Variants in ZFHX3 observed in about 807,000 individuals in gnomAD.
The protein encoded by ZFHX3 is zinc finger homeobox 3.
Under a neutral mutation model 279.1 loss-of-function variants are expected in ZFHX3, and 42 were observed. The ratio of observed to expected loss-of-function variants is 0.15; its 90% CI spans 0.12 to 0.19. ZFHX3 has a LOEUF of 0.19. ZFHX3 is among the 10% of genes least tolerant of loss of function. The pLI is 1.00. For missense variants in ZFHX3, 4,981 were observed against 4,754.0 expected (o/e 1.05, Z -1.40); for synonymous variants, 2,293 against 1,957.8 (o/e 1.17, Z -4.52).
chr16:73,426,534 C>T lies in ZFHX3; in HGVS notation c.-1291+29469G>A, dbSNP rs550262201. Among the ~76,000 whole-genome samples, 6 of 152,068 alleles carry T rather than the reference C, an allele frequency of 3.9e-5. No individual in the cohort carries two copies. The South Asian group carries it at 1.2e-3, about 32-fold the overall frequency. The stretch of plus-strand genomic sequence containing the variant: ...CAGAGTTTGAATGCAGTTCTGTAGC[C>T]AGAGTACCCAAGAATGTCTTCAAAT... On this transcript the variant is annotated intron_variant, in intron 3 of 17. Transcript: ENST00000641206.
At chr16:73,032,284 T>C (rs1410083967) in intron 1 of ZFHX3, among the ~76,000 whole-genome samples, 1 of 151,998 alleles carries the variant, frequency 6.6e-6, no homozygotes, top group Non-Finnish European at 1.5e-5. Flanking sequence ...CCTGGGCGAC[T>C]GAACAAGACC....
chr16:73,206,835 T>C lies in ZFHX3; in HGVS notation c.-1104+50212A>G, dbSNP rs1433104382. ...GATTTCAAGACCAGCCTGGCCAACA[T>C]GGTGAAACCCCATTTCTAATAAAAA... On this transcript the variant is annotated intron_variant, in intron 5 of 17. Transcript: ENST00000641206. Among the ~76,000 whole-genome samples, 5 of 152,050 alleles carry C rather than the reference T, an allele frequency of 3.3e-5. No individual in the cohort carries two copies. In the East Asian group the frequency reaches 9.7e-4, roughly 30 times the overall value.
intron 4 of ZFHX3, among the ~76,000 whole-genome samples, chr16:73,311,945 G>A (rs1348534416): frequency 6.6e-6 from 1 of 152,154 alleles, no homozygotes; most frequent in African/African-American, 2.4e-5. Context: ...TGATGAGGTT[G>A]CTGAAAGAGT....
At chr16:73,239,800 G>A (rs533685205) in intron 5 of ZFHX3, among the ~76,000 whole-genome samples, 2 of 152,152 alleles carry the variant, frequency 1.3e-5, no homozygotes, top group South Asian at 2.1e-4. Flanking sequence ...AAGATACTAT[G>A]AGCAATTTCT....
At position 73,182,029 on chromosome 16, in the gene ZFHX3, A is replaced by C. The variant is rs568082377; in HGVS notation, c.-1103-38198T>G. On this transcript the variant is annotated intron_variant, in intron 5 of 17. Transcript: ENST00000641206. ...TCTAATTGTTCCTCCAGAGGAGGGC[A>C]GCTTGTTTCATATGATACAAGGGTA... Among the ~76,000 whole-genome samples, 79 of 152,320 alleles carry C rather than the reference A, an allele frequency of 5.2e-4. No homozygotes were observed. The Middle Eastern group carries it at 0.01, about 20-fold the overall frequency.
intron 2 of ZFHX3, chr16:73,500,295 C>T (rs1208890601): frequency 6.7e-6 from 1 of 149,814 alleles, no homozygotes; most frequent in Non-Finnish European, 1.5e-5. Flanking sequence ...GGTGTTTGTG[C>T]CCTACTTGGG....
At chr16:73,125,792 G>A (rs1321289291) in intron 7 of ZFHX3, among the ~76,000 whole-genome samples, 1 of 151,672 alleles carries the variant, frequency 6.6e-6, no homozygotes, top group Non-Finnish European at 1.5e-5. Context: ...ATATATATAT[G>A]TGTGTATATA....
rs571074391 is a variant in ZFHX3 at position 73,450,392 on chromosome 16, G to T, written c.-1291+5611C>A. 3.3e-5 allele frequency among the ~76,000 whole-genome samples: 5 copies of T among 152,214 alleles called. No homozygotes were observed. In the East Asian group the frequency reaches 9.6e-4, roughly 29 times the overall value. ...TTTTTTAGGTGGTAGAAGTTTTGAT[G>T]AAATTTTGCTTTCTTTGTATTCTAC... is the stretch of plus-strand genomic sequence containing the variant. On this transcript the variant is annotated intron_variant, in intron 3 of 17. Transcript: ENST00000641206.
chr16:72,863,531 G>C (rs1434371429), intron 4 of ZFHX3, among the ~76,000 whole-genome samples: 7 of 138,944 alleles, frequency 5.0e-5, no homozygotes, highest in African/African-American at 2.3e-4. Context: ...CAGAGACAGA[G>C]ACAGACAGAG....
At chr16:73,033,176 C>G (rs1597116081) in intron 1 of ZFHX3, among the ~76,000 whole-genome samples, 1 of 152,266 alleles carries the variant, frequency 6.6e-6, no homozygotes, top group East Asian at 1.9e-4. Context: ...CTCCTTACCC[C>G]CTACCCCCAG....
At chr16:73,875,313 A>T (rs1016339619) in intron 1 of ZFHX3, among the ~76,000 whole-genome samples, 3 of 152,180 alleles carry the variant, frequency 2.0e-5, no homozygotes, top group East Asian at 1.9e-4. Flanking sequence ...AGTGTATGGA[A>T]TTTATACAAT....
At chr16:73,735,711 A>T (rs192454341) in intron 1 of ZFHX3, among the ~76,000 whole-genome samples, 7 of 152,220 alleles carry the variant, frequency 4.6e-5, no homozygotes, top group South Asian at 4.1e-4. Flanking sequence ...TGTTACATGC[A>T]TGCCTCCCCA....
chr16:73,498,243 T>C lies in ZFHX3; in HGVS notation c.-1546-41985A>G, dbSNP rs139003720. Among the ~76,000 whole-genome samples, 57 of 152,324 alleles carry C rather than the reference T, an allele frequency of 3.7e-4. No individual in the cohort carries two copies. In the East Asian group the frequency reaches 9.9e-3, roughly 26 times the overall value. On this transcript the variant is annotated intron_variant, in intron 2 of 17. Transcript: ENST00000641206. ...ATAGAAACTTAAAATATGCAAAATA[T>C]TTGCTCCAAATTAATTCACATGGAT...
chr16:73,017,438 A>G (rs1376704194), intron 1 of ZFHX3, among the ~76,000 whole-genome samples: 1 of 152,076 alleles, frequency 6.6e-6, no homozygotes, highest in Non-Finnish European at 1.5e-5. Context: ...AAAATGCTCC[A>G]AGTTTTTTCC....
intron 1 of ZFHX3, among the ~76,000 whole-genome samples, chr16:72,987,778 T>C (rs969080371): frequency 2.6e-5 from 4 of 152,202 alleles, no homozygotes; most frequent in African/African-American, 9.6e-5. Context: ...TACCTGCTCT[T>C]AGAGGAACTA....
Position 72,958,491 on chromosome 16 carries a change from G to C in ZFHX3, c.1655C>G (p.Ser552Cys), listed in dbSNP as rs754146286. ...TLSRGTASTS[S>C]NSASSFVVFD... ...GACAACAAAGGAAGAAGCAGAATTA[G>C]AACTAGTAGAAGCTGTGCCCCTCGA... Residue 552 changes from serine to cysteine, a missense_variant, in exon 2 of 10, where the codon TCT (serine) becomes TGT (cysteine). Ser to Cys is a moderately radical substitution (Grantham distance 112). This residue lies in a region of ZFHX3 where 1,068 missense variants were observed against 935.2 expected (regional missense o/e 1.14). Coordinates refer to ENST00000268489, the MANE Select transcript of ZFHX3 (RefSeq NM_006885.4). The C allele has an allele frequency of 1.9e-6, 3 of 1,614,090 alleles. No homozygotes were observed. Among genetic ancestry groups the C allele is most frequent in the Non-Finnish European group, 1.7e-6 (2 of 1,180,036 alleles).
At chr16:73,093,836 C>T (rs529899886) in intron 7 of ZFHX3, 47 of 266,304 alleles carry the variant, frequency 1.8e-4, no homozygotes, top group East Asian at 4.5e-4. Flanking sequence ...GGAAGCGAGG[C>T]GGGAAAAGAA....
intron 1 of ZFHX3, among the ~76,000 whole-genome samples, chr16:73,774,255 T>C (rs970205091): frequency 1.3e-5 from 2 of 152,226 alleles, no homozygotes; most frequent in African/African-American, 4.8e-5. Flanking sequence ...ACATTGTCTA[T>C]TTTACTATTC....
At chr16:73,505,909 C>T (rs149466788) in intron 2 of ZFHX3, among the ~76,000 whole-genome samples, 2 of 152,328 alleles carry the variant, frequency 1.3e-5, no homozygotes, top group African/African-American at 4.8e-5. Context: ...GGTATTTTGC[C>T]CTTGGACATT....
Sources: allele counts gnomAD v4.1 joint callset (sites outside exome capture counted in the v4.1 genomes callset), GRCh38; gene constraint gnomAD v4.1.1; regional missense constraint gnomAD v4.1.1; transcripts MANE v1.5; gene names NCBI Gene and HGNC (gene_info 2026-07-23, HGNC 2026-07-21).